The following EHMT1 variants were observed in gnomAD, a reference collection of about 807,000 sequenced individuals.
EHMT1 encodes histone-lysine N-methyltransferase EHMT1.
In EHMT1, 15 loss-of-function variants were observed where a neutral mutation model predicts 147.2. The observed-to-expected ratio is 0.10, with a 90% CI of 0.07 to 0.16. The LOEUF is 0.16. Among genes scored for constraint, EHMT1 ranks in the 10% least tolerant of loss-of-function variants. EHMT1 has a pLI of 1.00. For synonymous variants in EHMT1, 795 were observed against 709.6 expected, an observed-to-expected ratio of 1.12 and a Z score of -1.91; for missense variants, 1,587 against 1,772.4, an observed-to-expected ratio of 0.90 and a Z score of 1.88.
At chr9:137,834,581 CGG>C in intron 26 of EHMT1, 57 bp downstream of exon 26, 1 of 1,604,998 alleles carries the variant, frequency 6.2e-7, no homozygotes, top group Non-Finnish European at 8.5e-7. Flanking sequence ...GTTTTAGGAA[CGG>C]GGCTCGCATT....
At chr9:137,669,336 G>GCACTCACA (rs1564562348) in intron 1 of EHMT1, among the ~76,000 whole-genome samples, 3 of 22,190 alleles carry the variant, frequency 1.4e-4, no homozygotes, top group Non-Finnish European at 1.7e-4. Context: ...CACAGCACGT[G>GCACTCACA]GACCCCACAC....
Position 137,813,627 on chromosome 9 carries a change from G to A in EHMT1, c.3180+97G>A. 1 of 1,551,620 alleles carries A rather than the reference G, an allele frequency of 6.4e-7. No homozygotes were observed. The highest frequency in any genetic ancestry group is 1.2e-5 in the South Asian group (1 of 86,256). ...TCCTGGGTTCTCACCACTCAGAGCA[G>A]GAGGGCTTATGGGGGGCTTCCCAGG... On this transcript the variant is annotated intron_variant, in intron 21 of 26. Coordinates refer to ENST00000460843, the MANE Select transcript of EHMT1 (RefSeq NM_024757.5). The surrounding 1 kb of genome is among the most constrained non-coding windows in gnomAD (Gnocchi z 4.9).
chr9:137,775,039 A>G lies in EHMT1; in HGVS notation c.1648-70A>G. On this transcript the variant is annotated intron_variant, in intron 10 of 26. Coordinates refer to ENST00000460843, the MANE Select transcript of EHMT1 (RefSeq NM_024757.5). This position sits in a 1 kb window ranked among gnomAD's most constrained non-coding sequence, Gnocchi z 6.1. ...CAGCTCTTGTGTGCCTGCACTGCCCAGCGCCTGGTGGGAGGGAATGCCGGC... is the reference window on the plus strand; with the variant it reads ...CAGCTCTTGTGTGCCTGCACTGCCCGGCGCCTGGTGGGAGGGAATGCCGGC... 1 of 1,608,720 alleles carries G rather than the reference A, an allele frequency of 6.2e-7. No homozygotes were observed. The highest frequency in any genetic ancestry group is 8.5e-7 in the Non-Finnish European group (1 of 1,176,286).
At chr9:137,639,843 C>T (rs1310604147) in intron 1 of EHMT1, among the ~76,000 whole-genome samples, 1 of 152,188 alleles carries the variant, frequency 6.6e-6, no homozygotes, top group Non-Finnish European at 1.5e-5. Flanking sequence ...GTCTGTTGTA[C>T]CTCCCCATTA....
chr9:137,629,129 G>A (rs1375571408), intron 1 of EHMT1, among the ~76,000 whole-genome samples: 1 of 145,344 alleles, frequency 6.9e-6, no homozygotes, highest in Non-Finnish European at 1.5e-5. Flanking sequence ...TTTCGCTCTC[G>A]TTGCCCAGGC....
chr9:137,689,474 G>A (rs1464236800), intron 1 of EHMT1, among the ~76,000 whole-genome samples: 1 of 152,192 alleles, frequency 6.6e-6, no homozygotes, highest in Non-Finnish European at 1.5e-5. Flanking sequence ...GGAGGCGGAG[G>A]TGGGTGGATC....
chr9:137,728,711 A>G, intron 4 of EHMT1, 182 bp downstream of exon 4: 1 of 718,662 alleles, frequency 1.4e-6, no homozygotes, highest in South Asian at 1.6e-5. Flanking sequence ...CCTCTGCTCT[A>G]AGCCTTGTCT....
chr9:137,754,238 A>G lies in EHMT1; in HGVS notation c.1316A>G (p.Lys439Arg). The change falls in exon 8 of 27, where the codon AAG becomes AGG. Residue 439 changes from lysine (K) to arginine (R), a missense_variant. By Grantham distance (26) the Lys-to-Arg change is conservative. Coordinates refer to ENST00000460843, the MANE Select transcript of EHMT1 (RefSeq NM_024757.5). ...RKGKTDSPWI[K>R]PARKRRRRSR... Reference sequence around the variant, plus strand: ...GGAAAGACCGACAGTCCCTGGATCAAGCCAGCCAGGAAAAGGAGGCGGAGA... The same window carrying G: ...GGAAAGACCGACAGTCCCTGGATCAGGCCAGCCAGGAAAAGGAGGCGGAGA... The G allele has an allele frequency of 6.2e-7, 1 of 1,614,180 alleles. No individual in the cohort carries two copies. The highest frequency in any genetic ancestry group is 1.3e-5 in the African/African-American group (1 of 75,040).
intron 3 of EHMT1, among the ~76,000 whole-genome samples, chr9:137,722,823 G>A (rs1353539139): frequency 1.3e-5 from 2 of 152,264 alleles, no homozygotes; most frequent in African/African-American, 4.8e-5. Flanking sequence ...ACTATGGGAA[G>A]GTGGGTGCCC....
At chr9:137,818,191 T>A (rs762449868) in intron 25 of EHMT1, 53 bp downstream of exon 25, 8 of 1,579,278 alleles carry the variant, frequency 5.1e-6, no homozygotes, top group Non-Finnish European at 7.0e-6. Flanking sequence ...CTGTAAAACC[T>A]GAATGTGTTT....
At chr9:137,834,716 C>G (rs953704165) in intron 26 of EHMT1, 57 bp from the exon 27 acceptor site, 7 of 1,611,942 alleles carry the variant, frequency 4.3e-6, no homozygotes, top group Non-Finnish European at 5.9e-6. Flanking sequence ...ATTTATCTGG[C>G]TTGTGGGAGG....
At chr9:137,668,060 G>C (rs1939881535) in intron 1 of EHMT1, among the ~76,000 whole-genome samples, 1 of 152,162 alleles carries the variant, frequency 6.6e-6, no homozygotes, top group Non-Finnish European at 1.5e-5. Flanking sequence ...GACTTTTGCA[G>C]AACAGCTTTC....
At chr9:137,695,530 G>A (rs1226203539) in intron 1 of EHMT1, among the ~76,000 whole-genome samples, 1 of 152,232 alleles carries the variant, frequency 6.6e-6, no homozygotes, top group African/African-American at 2.4e-5. Context: ...GAATTCAGAC[G>A]GCACAGAGGA....
intron 4 of EHMT1, among the ~76,000 whole-genome samples, chr9:137,739,355 C>CAA (rs58376791): frequency 1.8e-4 from 17 of 94,504 alleles, no homozygotes; most frequent in South Asian, 3.8e-4. Context: ...GACTCAGTCT[C>CAA]AAAAAAAAAA....
At chr9:137,797,268 G>A (rs1468894496) in intron 16 of EHMT1, among the ~76,000 whole-genome samples, 1 of 152,096 alleles carries the variant, frequency 6.6e-6, no homozygotes. Context: ...CTTACCTGCA[G>A]CCCCGCTCTT....
intron 7 of EHMT1, among the ~76,000 whole-genome samples, chr9:137,753,428 A>G (rs1386911797): frequency 6.6e-6 from 1 of 152,190 alleles, no homozygotes; most frequent in African/African-American, 2.4e-5. Flanking sequence ...CGGGGAGCAC[A>G]GGGGAGCCGG....
chr9:137,672,202 G>A lies in EHMT1; in HGVS notation c.22-38765G>A, dbSNP rs545568389. ...AAGATAGGTGCACAAATGTAAAACC[G>A]TATCACTTTTGTTTCTTTTTTTAAA... is the stretch of plus-strand genomic sequence containing the variant. On this transcript the variant is annotated intron_variant, in intron 1 of 26. Coordinates refer to ENST00000460843, the MANE Select transcript of EHMT1 (RefSeq NM_024757.5). Among the ~76,000 whole-genome samples the A allele has an allele frequency of 3.2e-4, 48 of 152,350 alleles. 2 individuals carry two copies. The East Asian group carries it at 5.8e-3, about 18-fold the overall frequency.
intron 23 of EHMT1, chr9:137,816,336 C>G: frequency 2.0e-6 from 1 of 505,838 alleles, no homozygotes. Flanking sequence ...ACGGACTTGG[C>G]CTAAGAATTA....
chr9:137,707,573 G>A (rs1944371561), intron 1 of EHMT1, among the ~76,000 whole-genome samples: 1 of 152,262 alleles, frequency 6.6e-6, no homozygotes, highest in Admixed American at 6.5e-5. Flanking sequence ...TGGCATGTTG[G>A]TCAGTGCTTG....
Sources: gnomAD v4.1 joint callset for allele counts (sites outside exome capture counted in the v4.1 genomes callset) on GRCh38, gnomAD v4.1.1 for gene constraint, Gnocchi (gnomAD v3.1) non-coding constraint, MANE v1.5 for transcripts, NCBI Gene and HGNC (gene_info 2026-07-23, HGNC 2026-07-21) for gene names.